Variants in DYM observed in about 807,000 individuals in gnomAD.
DYM encodes dyggve-Melchior-Clausen syndrome protein.
DYM carries 78 observed loss-of-function variants against 93.1 expected under a neutral mutation model. The ratio of observed to expected loss-of-function variants is 0.84; its 90% CI spans 0.70 to 1.01. The LOEUF (loss-of-function observed/expected upper bound fraction) is 1.01. DYM is among the 50% of genes least tolerant of loss of function. The probability of loss-of-function intolerance (pLI) is 0.00; values close to 1 mark genes in which losing one functional copy is unlikely to be tolerated. For synonymous variants in DYM, 321 were observed against 319.7 expected, an observed-to-expected ratio of 1.00 and a Z score of -0.04; for missense variants, 789 against 845.0, an observed-to-expected ratio of 0.93 and a Z score of 0.82.
chr18:49,314,493 AG>A (rs1568229741), intron 8 of DYM, among the ~76,000 whole-genome samples: 3 of 152,260 alleles, frequency 2.0e-5, no homozygotes, highest in Admixed American at 2.0e-4. Flanking sequence ...GAATGGAGAC[AG>A]TGTGTTAAAG....
intron 14 of DYM, among the ~76,000 whole-genome samples, chr18:49,172,026 C>T (rs2145275790): frequency 6.6e-6 from 1 of 152,246 alleles, no homozygotes; most frequent in East Asian, 1.9e-4. Flanking sequence ...ACTCAATCTC[C>T]TGCTCCAATA....
At chr18:49,062,444 C>T (rs191300963) in intron 17 of DYM, among the ~76,000 whole-genome samples, 47 of 152,292 alleles carry the variant, frequency 3.1e-4, no homozygotes, top group African/African-American at 1.1e-3. Flanking sequence ...CCTGCAAATA[C>T]AGCCACTGAT....
At chr18:49,439,230 A>G (rs1280290000) in intron 1 of DYM, among the ~76,000 whole-genome samples, 3 of 152,328 alleles carry the variant, frequency 2.0e-5, no homozygotes, top group South Asian at 2.1e-4. Context: ...GTTGGTAACA[A>G]TGATCCTTAT....
intron 16 of DYM, among the ~76,000 whole-genome samples, chr18:49,106,163 T>C (rs35470500): frequency 0.12 from 17,870 of 152,256 alleles, 1,309 homozygotes; most frequent in African/African-American, 0.2. Context: ...CATTATGTAA[T>C]GGCCTTCTTT....
At chr18:49,250,931 G>A (rs1227952888) in intron 13 of DYM, among the ~76,000 whole-genome samples, 2 of 152,206 alleles carry the variant, frequency 1.3e-5, no homozygotes, top group Non-Finnish European at 2.9e-5. Context: ...TTAAGAAAGG[G>A]ATCCTCAGCC....
At chr18:49,216,009 G>C (rs2093018966) in intron 13 of DYM, among the ~76,000 whole-genome samples, 1 of 152,254 alleles carries the variant, frequency 6.6e-6, no homozygotes, top group Non-Finnish European at 1.5e-5. Context: ...AAAGAAAGGG[G>C]TGACAGATGG....
chr18:49,302,265 CTAAA>C (rs1331684705), intron 8 of DYM, among the ~76,000 whole-genome samples: 1 of 152,108 alleles, frequency 6.6e-6, no homozygotes, highest in Non-Finnish European at 1.5e-5. Context: ...GAACATGGCT[CTAAA>C]TAGATACTGT....
chr18:49,341,866 C>G (rs1036893041), intron 6 of DYM, among the ~76,000 whole-genome samples: 2 of 152,170 alleles, frequency 1.3e-5, no homozygotes, highest in Non-Finnish European at 2.9e-5. Flanking sequence ...GTACTTAAAT[C>G]TAATTTGCTA....
intron 6 of DYM, 126 bp downstream of exon 6, chr18:49,363,035 A>G: frequency 1.3e-6 from 1 of 746,828 alleles, no homozygotes; most frequent in East Asian, 2.6e-5. Context: ...AACTCTGTGG[A>G]TATAGAATCC....
At chr18:49,221,422 T>C (rs1399077558) in intron 13 of DYM, among the ~76,000 whole-genome samples, 1 of 151,974 alleles carries the variant, frequency 6.6e-6, no homozygotes, top group Non-Finnish European at 1.5e-5. Context: ...ACCCAAAGGA[T>C]TATAAATCAT....
chr18:49,432,834 G>A lies in DYM; in HGVS notation c.-53-2387C>T, dbSNP rs150180053. On this transcript the variant is annotated intron_variant, in intron 1 of 17. Coordinates refer to ENST00000675505, the MANE Select transcript of DYM (RefSeq NM_001353214.3). The stretch of plus-strand genomic sequence containing the variant: ...TCACTGTGTTGCCCAGGCTGGTCTC[G>A]AACTCTTTCTGCCTTGGCTTCAACC... Among the ~76,000 whole-genome samples, 415 of 152,096 alleles carry A rather than the reference G, an allele frequency of 2.7e-3. 4 individuals are homozygous for A. The highest frequency in any genetic ancestry group is 9.6e-3 in the African/African-American group (400 of 41,512).
chr18:49,299,472 A>C (rs2060766237), intron 8 of DYM, among the ~76,000 whole-genome samples: 2 of 152,096 alleles, frequency 1.3e-5, no homozygotes, highest in African/African-American at 2.4e-5. Context: ...CTTCAAACAA[A>C]ACAAGCCCTG....
At chr18:49,443,096 C>T (rs889002934) in intron 1 of DYM, among the ~76,000 whole-genome samples, 4 of 152,162 alleles carry the variant, frequency 2.6e-5, no homozygotes, top group African/African-American at 4.8e-5. Flanking sequence ...GATCTGCCCA[C>T]ATTAGCCTCC....
At chr18:49,297,043 CAAGTAAT>C (rs1358713601) in intron 8 of DYM, among the ~76,000 whole-genome samples, 1 of 152,046 alleles carries the variant, frequency 6.6e-6, no homozygotes, top group Admixed American at 6.5e-5. Context: ...TTAAAGTGTA[CAAGTAAT>C]AAGAATTTTA....
At chr18:49,420,167 T>A (rs1318200303) in intron 2 of DYM, among the ~76,000 whole-genome samples, 3 of 12,274 alleles carry the variant, frequency 2.4e-4, no homozygotes, top group Non-Finnish European at 5.6e-4. Context: ...TAAAATTCGT[T>A]TTTTTTTTTT....
At chr18:49,113,413 G>A (rs897451296) in intron 16 of DYM, among the ~76,000 whole-genome samples, 5 of 152,130 alleles carry the variant, frequency 3.3e-5, no homozygotes, top group Admixed American at 2.6e-4. Flanking sequence ...TTAGATGGGC[G>A]AGATAGGCAC....
chr18:49,170,477 T>A (rs987102207), intron 14 of DYM, among the ~76,000 whole-genome samples: 8 of 151,948 alleles, frequency 5.3e-5, no homozygotes, highest in African/African-American at 1.9e-4. Context: ...GGATATTGTG[T>A]AATGTAAGAA....
chr18:49,402,198 G>A (rs2070931974), intron 2 of DYM, among the ~76,000 whole-genome samples: 1 of 152,148 alleles, frequency 6.6e-6, no homozygotes. Flanking sequence ...TACATGAAGT[G>A]TAGGTTGCAG....
At chr18:49,055,580 T>C (rs576097691) in intron 17 of DYM, among the ~76,000 whole-genome samples, 1 of 152,368 alleles carries the variant, frequency 6.6e-6, no homozygotes, top group South Asian at 2.1e-4. Context: ...AGAATCTGAA[T>C]ACGAGGTGCC....
Sources: allele counts gnomAD v4.1 joint callset (sites outside exome capture counted in the v4.1 genomes callset), GRCh38; gene constraint gnomAD v4.1.1; transcripts MANE v1.5; gene names NCBI Gene and HGNC (gene_info 2026-07-23, HGNC 2026-07-21).